TECTB: variants seen among roughly 807,000 people sequenced by gnomAD.
The protein encoded by TECTB is beta-tectorin.
Under a neutral mutation model 43.3 loss-of-function variants are expected in TECTB, and 45 were observed. That is an observed-to-expected ratio of 1.04 (90% CI 0.82 to 1.33). The LOEUF (loss-of-function observed/expected upper bound fraction) is 1.33. Ranked by LOEUF, TECTB falls within the 40% of genes most tolerant of loss-of-function variation. The pLI is 0.00. For missense variants in TECTB, 399 were observed against 404.7 expected, an observed-to-expected ratio of 0.99 and a Z score of 0.12; for synonymous variants, 169 against 156.7, an observed-to-expected ratio of 1.08 and a Z score of -0.59.
At chr10:112,289,554 T>A (rs1848481304) in intron 5 of TECTB, among the ~76,000 whole-genome samples, 1 of 152,214 alleles carries the variant, frequency 6.6e-6, no homozygotes. Flanking sequence ...CCCTGAACTC[T>A]CGCACATGTG....
At position 112,286,370 on chromosome 10, in the gene TECTB, A is replaced by C; in HGVS notation, c.462A>C (p.Gln154His). 1.9e-6 allele frequency: 3 copies of C among 1,609,386 alleles called. No homozygotes were observed. The highest frequency in any genetic ancestry group is 2.6e-6 in the Non-Finnish European group (3 of 1,176,006). The change falls in exon 5 of 11, where the codon CAA becomes CAC. Residue 154 changes from glutamine (Q) to histidine (H), a missense_variant. Transcript: ENST00000646139. The part of the protein sequence containing the change: ...KNGSMGTFES[Q>H]LSLNFYTNAK... ...GGAGCATGGGCACATTTGAGAGCCA[A>C]CTGTCTCTCAACTTCTACACTGTAA...
Position 112,299,508 on chromosome 10 carries a change from A to G in TECTB, c.851A>G (p.Lys284Arg). 1 of 1,614,170 alleles carries G rather than the reference A, an allele frequency of 6.2e-7. No individual in the cohort carries two copies. Among genetic ancestry groups the G allele is most frequent in the East Asian group, 2.2e-5 (1 of 44,884 alleles). ...LSCPVTCDKR[K>R]RLLRDQTGGV... ...GGTCTTCAGACCTGCGATAAACGGA[A>G]GCGCCTCCTGCGAGACCAGACCGGG... Residue 284 changes from lysine to arginine, a missense_variant, in exon 9 of 11, where the codon AAG (lysine) becomes AGG (arginine). Lys to Arg is a conservative substitution (Grantham distance 26). Coordinates refer to ENST00000646139, the MANE Select transcript of TECTB (RefSeq NM_058222.3).
rs1020881075 is a variant in TECTB at position 112,302,326 on chromosome 10, A to G, written c.940+193A>G. 8.9e-5 allele frequency: 49 copies of G among 550,264 alleles called. No homozygotes were observed. In the African/African-American group the frequency reaches 9.3e-4, roughly 10 times the overall value. The allele number at this position is 550,264 out of a possible 1,614,324, so 34.1% of individuals were successfully genotyped here. A position where few individuals can be genotyped will look rare whatever the true frequency, so the allele number is the denominator to read the frequency against. The stretch of plus-strand genomic sequence containing the variant: ...TCTGACCAGCCCCTGAACTCTGAAG[A>G]GAGGGAGGAACCGAAGGTAAATCGG... On this transcript the variant is annotated intron_variant, in intron 10 of 10. Coordinates refer to ENST00000646139, the MANE Select transcript of TECTB (RefSeq NM_058222.3).
intron 5 of TECTB, among the ~76,000 whole-genome samples, chr10:112,287,929 C>T (rs1351582916): frequency 6.6e-6 from 1 of 152,210 alleles, no homozygotes; most frequent in Non-Finnish European, 1.5e-5. Context: ...CCCCTAGCCA[C>T]ACACCACTAG....
In TECTB at chr10:112,291,027, T is replaced by C. The variant is rs147277479; in HGVS notation, c.484-2711T>C. Among the ~76,000 whole-genome samples, 113 of 152,320 alleles carry C rather than the reference T, an allele frequency of 7.4e-4. 2 individuals are homozygous for C. In the South Asian group the frequency reaches 8.1e-3, roughly 11 times the overall value. ...TTTTTATTTTAAGTTCTGGGGTACA[T>C]GTGCAGGATGTGCAAGTTTGTTACA... is the stretch of plus-strand genomic sequence containing the variant. On this transcript the variant is annotated intron_variant, in intron 5 of 10. Transcript: ENST00000646139.
rs1848618630 is a variant in TECTB, at chr10:112,302,273, C to G, written c.940+140C>G. The G allele has an allele frequency of 1.1e-5, 11 of 988,322 alleles. No individual in the cohort carries two copies. The South Asian group carries it at 1.1e-4, about 10-fold the overall frequency. 61.2% of individuals were successfully genotyped at this position (988,322 alleles called of 1,614,324 possible). ...TACTTTAAAGCACACCTGAGTGGCGCAGAGGGGGCGAGATCAAGAGGTCTC... is the reference window on the plus strand; with the variant it reads ...TACTTTAAAGCACACCTGAGTGGCGGAGAGGGGGCGAGATCAAGAGGTCTC... On this transcript the variant is annotated intron_variant, in intron 10 of 10. Coordinates refer to ENST00000646139, the MANE Select transcript of TECTB (RefSeq NM_058222.3).
chr10:112,285,961 T>C (rs1848450197), intron 3 of TECTB, 110 bp from the exon 4 acceptor site: 1 of 1,399,800 alleles, frequency 7.1e-7, no homozygotes, highest in Non-Finnish European at 9.9e-7. Flanking sequence ...CAGACATTTC[T>C]GTCTCCCCAC....
chr10:112,283,509 C>T lies in TECTB; in HGVS notation c.-88+13C>T, dbSNP rs1848429327. 1.8e-6 allele frequency: 1 copy of T among 544,084 alleles called. No homozygotes were observed. The allele number at this position is 544,084 out of a possible 1,614,324, so 33.7% of individuals were successfully genotyped here. On this transcript the variant is annotated intron_variant, in intron 1 of 10. Transcript: ENST00000646139. ...GACGCTTCCAACGGTATGAGCCCCA[C>T]TTTTTGCCTCTCAGCGCTAACAGGA...
In TECTB at chr10:112,294,037, T is replaced by C; in HGVS notation, c.647T>C (p.Leu216Ser). ...ATPSADFMYP[L>S]QWQLINKGCP... is the part of the protein sequence containing the mutation. ...CCCTCGGCTGACTTCATGTATCCCT[T>C]GCAGTGGCAGCTGATCAACAAGGGG... The change falls in exon 7 of 11, where the codon TTG becomes TCG. Residue 216 changes from leucine (L) to serine (S), a missense_variant. By Grantham distance (145) the Leu-to-Ser change is moderately radical. Coordinates refer to ENST00000646139, the MANE Select transcript of TECTB (RefSeq NM_058222.3). 1 of 1,614,200 alleles carries C rather than the reference T, an allele frequency of 6.2e-7. No homozygotes were observed. The highest frequency in any genetic ancestry group is 8.5e-7 in the Non-Finnish European group (1 of 1,180,024).
chr10:112,300,776 CA>C (rs961166005), intron 9 of TECTB, among the ~76,000 whole-genome samples: 1 of 150,776 alleles, frequency 6.6e-6, no homozygotes, highest in African/African-American at 2.4e-5. Flanking sequence ...TTCCAAAATC[CA>C]AAAAAAAATC....
At chr10:112,290,558 T>C (rs1043226762) in intron 5 of TECTB, among the ~76,000 whole-genome samples, 2 of 152,212 alleles carry the variant, frequency 1.3e-5, no homozygotes, top group East Asian at 3.8e-4. Flanking sequence ...TCCAATATTC[T>C]AACATTCTGC....
intron 9 of TECTB, among the ~76,000 whole-genome samples, chr10:112,300,162 CAAAAAAA>C (rs1306586232): frequency 2.5e-5 from 1 of 39,942 alleles, no homozygotes; most frequent in Admixed American, 3.0e-4. Context: ...AACTCCGTCT[CAAAAAAA>C]AAAAAAAGAA....
intron 2 of TECTB, 48 bp downstream of exon 2, chr10:112,283,858 G>A: frequency 6.3e-7 from 1 of 1,592,858 alleles, no homozygotes; most frequent in Admixed American, 1.7e-5. Flanking sequence ...GTTTCCTGAA[G>A]TTTCCTTTTA....
chr10:112,293,794 C>A lies in TECTB; in HGVS notation c.540C>A (p.Ile180=). The change falls in exon 6 of 11, where the codon ATC becomes ATA. Residue 180 remains isoleucine, a synonymous_variant. Coordinates refer to ENST00000646139, the MANE Select transcript of TECTB (RefSeq NM_058222.3). ...EAPFVLEASE[I]GSDLFAGVEA... ...CCTTTGTCCTGGAGGCATCCGAAATCGGTTCAGATCTGTTTGCAGGAGTGG... is the reference window on the plus strand; with the variant it reads ...CCTTTGTCCTGGAGGCATCCGAAATAGGTTCAGATCTGTTTGCAGGAGTGG... 2 of 1,614,148 alleles carry A rather than the reference C, an allele frequency of 1.2e-6. No individual in the cohort carries two copies. Among genetic ancestry groups the A allele is most frequent in the Non-Finnish European group, 1.7e-6 (2 of 1,180,036 alleles).
chr10:112,300,279 A>AAAGAAAGAAAGAAAGAAAGAAAAG, intron 9 of TECTB, among the ~76,000 whole-genome samples: 5 of 48,388 alleles, frequency 1.0e-4, no homozygotes, highest in Non-Finnish European at 1.2e-4. Flanking sequence ...AGAAAGAAAG[A>AAAGAAAGAAAGAAAGAAAGAAAAG]AAAGAAAGAA....
At chr10:112,302,958 T>C (rs910422038) in intron 10 of TECTB, 3 of 396,760 alleles carry the variant, frequency 7.6e-6, no homozygotes, top group Non-Finnish European at 1.4e-5. Context: ...AGGAGAATCA[T>C]GTAAATCAAC....
At chr10:112,300,270 G>GA (rs1313495135) in intron 9 of TECTB, among the ~76,000 whole-genome samples, 2,542 of 24,810 alleles carry the variant, frequency 0.1, 26 homozygotes, top group African/African-American at 0.21. Context: ...AAGAAAGAAA[G>GA]AAAGAAAGAA....
intron 9 of TECTB, 83 bp from the exon 10 acceptor site, chr10:112,302,018 G>C: frequency 6.5e-7 from 1 of 1,537,382 alleles, no homozygotes; most frequent in East Asian, 2.3e-5. Flanking sequence ...GCCAGGTTTT[G>C]TGTTGTAGAA....
intron 5 of TECTB, among the ~76,000 whole-genome samples, chr10:112,289,732 A>G (rs559860693): frequency 6.6e-6 from 1 of 152,202 alleles, no homozygotes; most frequent in Admixed American, 6.5e-5. Flanking sequence ...CTATTAAAAA[A>G]TGAAGCCCAA....
Sources: allele counts gnomAD v4.1 joint callset (sites outside exome capture counted in the v4.1 genomes callset), GRCh38; gene constraint gnomAD v4.1.1; transcripts MANE v1.5; gene names NCBI Gene and HGNC (gene_info 2026-07-23, HGNC 2026-07-21).